The following USP54 variants were observed in gnomAD, a reference collection of about 807,000 sequenced individuals.
The protein encoded by USP54 is ubiquitin carboxyl-terminal hydrolase 54.
USP54 carries 87 observed loss-of-function variants against 170.5 expected under a neutral mutation model. The observed-to-expected ratio is 0.51, with a 90% CI of 0.43 to 0.61. The LOEUF is 0.61. Ranked by LOEUF, USP54 falls within the 20% of genes least tolerant of loss-of-function variation. USP54 has a pLI of 0.00. For synonymous variants in USP54, 655 were observed against 742.8 expected (o/e 0.88, Z 1.92); for missense variants, 1,786 against 2,047.8 (o/e 0.87, Z 2.47).
intron 20 of USP54, among the ~76,000 whole-genome samples, chr10:73,509,526 A>C (rs1384138113): frequency 6.6e-6 from 1 of 150,886 alleles, no homozygotes; most frequent in African/African-American, 2.4e-5. Flanking sequence ...GAGGCAGGAG[A>C]ATCGCATTAA....
Position 73,577,122 on chromosome 10 carries a change from A to G in USP54, c.-581-761T>C, listed in dbSNP as rs947766816. The stretch of plus-strand genomic sequence containing the variant: ...ATGTTCCCTGGAAGGAAATCACCAC[A>G]TCTCCAGCTTTAAGTTTTCCTATAA... On this transcript the variant is annotated intron_variant, in intron 1 of 23. Transcript: ENST00000687698. Among the ~76,000 whole-genome samples, 11 of 152,328 alleles carry G rather than the reference A, an allele frequency of 7.2e-5. No individual in the cohort carries two copies. In the East Asian group the frequency reaches 2.1e-3, roughly 29 times the overall value.
chr10:73,532,454 C>T (rs562527848), intron 12 of USP54, among the ~76,000 whole-genome samples: 5 of 152,226 alleles, frequency 3.3e-5, no homozygotes, highest in African/African-American at 1.2e-4. Flanking sequence ...GGATTACAGG[C>T]GTGAGCCACT....
chr10:73,621,288 T>C (rs1283766650), intron 1 of USP54, among the ~76,000 whole-genome samples: 2 of 148,916 alleles, frequency 1.3e-5, no homozygotes, highest in Non-Finnish European at 3.0e-5. Flanking sequence ...CATACATACA[T>C]TTTTCTCAAT....
rs569898692 is a variant in USP54 at position 73,550,199 on chromosome 10, C to T, written c.241-4527G>A. 3.3e-5 allele frequency among the ~76,000 whole-genome samples: 5 copies of T among 152,358 alleles called. No individual in the cohort carries two copies. In the South Asian group the frequency reaches 8.3e-4, roughly 25 times the overall value. The stretch of plus-strand genomic sequence containing the variant: ...TCAGCCTCCCAAAGTGCTGGGATAA[C>T]AGGCGTGGGCCACCACGCCCAGCCA... On this transcript the variant is annotated intron_variant, in intron 4 of 23. Coordinates refer to ENST00000687698, the MANE Select transcript of USP54 (RefSeq NM_001391956.1).
intron 1 of USP54, among the ~76,000 whole-genome samples, chr10:73,599,854 C>T (rs1011030951): frequency 6.6e-5 from 10 of 150,916 alleles, no homozygotes; most frequent in Admixed American, 6.6e-4. Context: ...AATTATTTGC[C>T]CAAGGTAAAG....
chr10:73,573,274 G>A (rs2075542541), intron 3 of USP54, among the ~76,000 whole-genome samples: 1 of 152,074 alleles, frequency 6.6e-6, no homozygotes, highest in Admixed American at 6.6e-5. Context: ...CTTGGCAACA[G>A]AGTGAGACCT....
intron 4 of USP54, 50 bp downstream of exon 4, chr10:73,571,371 C>T (rs1230635662): frequency 1.3e-6 from 2 of 1,503,526 alleles, no homozygotes; most frequent in South Asian, 2.3e-5. Flanking sequence ...TTGATATTGA[C>T]CATTTGGCCA....
At chr10:73,557,082 C>T (rs971148520) in intron 4 of USP54, among the ~76,000 whole-genome samples, 2 of 152,128 alleles carry the variant, frequency 1.3e-5, no homozygotes, top group Non-Finnish European at 2.9e-5. Context: ...ATCTTTGTGG[C>T]ACACTAAATA....
intron 1 of USP54, chr10:73,624,393 G>GTT (rs966064623): frequency 7.1e-6 from 1 of 140,696 alleles, no homozygotes; most frequent in African/African-American, 2.6e-5. Context: ...AGAGACGGGG[G>GTT]GGGGGGGTTT....
In USP54 at chr10:73,536,364, G is replaced by A. The variant is rs748066460; in HGVS notation, c.1049C>T (p.Ala350Val). 5.6e-6 allele frequency: 9 copies of A among 1,611,866 alleles called. No homozygotes were observed. The highest frequency in any genetic ancestry group is 7.6e-6 in the Non-Finnish European group (9 of 1,178,908). Residue 350 changes from alanine (A) to valine (V), a missense_variant, in exon 11 of 24, where the codon GCA becomes GTA. Coordinates refer to ENST00000687698, the MANE Select transcript of USP54 (RefSeq NM_001391956.1). ...GGAAACTGGGGTACCCTGGGGATCTGCATAAAGCAGCAGCAGGGGCTGATA... is the reference window on the plus strand; with the variant it reads ...GGAAACTGGGGTACCCTGGGGATCTACATAAAGCAGCAGCAGGGGCTGATA... Reference protein sequence around the residue: ...GHYQPLLLLYADPQGTPVSTQ... With the variant: ...GHYQPLLLLYVDPQGTPVSTQ...
chr10:73,587,269 C>T (rs1168567476), intron 1 of USP54, among the ~76,000 whole-genome samples: 2 of 151,804 alleles, frequency 1.3e-5, no homozygotes, highest in Non-Finnish European at 2.9e-5. Context: ...GTCAGGAGAT[C>T]GAGACCATCC....
upstream of USP54, among the ~76,000 whole-genome samples, chr10:73,595,848 G>A (rs551831412): frequency 1.3e-5 from 2 of 152,052 alleles, no homozygotes; most frequent in African/African-American, 2.4e-5. Context: ...GGTGGCTCAC[G>A]CCTGTAATCC....
intron 4 of USP54, among the ~76,000 whole-genome samples, chr10:73,552,471 A>ACACG (rs2069694380): frequency 6.6e-6 from 1 of 151,686 alleles, no homozygotes; most frequent in Non-Finnish European, 1.5e-5. Flanking sequence ...ATGAGTACAC[A>ACACG]CACACACACA....
intron 4 of USP54, 83 bp from the exon 5 acceptor site, chr10:73,545,755 T>A: frequency 1.3e-6 from 2 of 1,481,506 alleles, no homozygotes; most frequent in Non-Finnish European, 1.8e-6. Flanking sequence ...TGCTAGCATC[T>A]CCATGATGAT....
At chr10:73,555,144 C>A (rs1239306482) in intron 4 of USP54, among the ~76,000 whole-genome samples, 1 of 152,168 alleles carries the variant, frequency 6.6e-6, no homozygotes, top group African/African-American at 2.4e-5. Flanking sequence ...ATCACACACA[C>A]CCCAAAAGTT....
chr10:73,511,597 T>A (rs1489537548), intron 20 of USP54, among the ~76,000 whole-genome samples: 1 of 150,240 alleles, frequency 6.7e-6, no homozygotes, highest in Non-Finnish European at 1.5e-5. Flanking sequence ...GAGACGGAGG[T>A]TGCAGTGAGC....
chr10:73,541,967 AG>A, intron 7 of USP54: 1 of 530,376 alleles, frequency 1.9e-6, no homozygotes, highest in Non-Finnish European at 3.4e-6. Flanking sequence ...GCCAGTACTG[AG>A]CCTAAGAAAA....
chr10:73,503,858 G>A (rs888723881), intron 22 of USP54, among the ~76,000 whole-genome samples: 7 of 151,922 alleles, frequency 4.6e-5, no homozygotes, highest in Non-Finnish European at 1.0e-4. Context: ...TCAGCCTCCC[G>A]AGTAGCTAGG....
At chr10:73,578,942 C>CTTT in intron 1 of USP54, among the ~76,000 whole-genome samples, 1 of 133,994 alleles carries the variant, frequency 7.5e-6, no homozygotes, top group Non-Finnish European at 1.6e-5. Flanking sequence ...GCAAAGATTC[C>CTTT]TTTTTTTTTT....
Sources: allele counts gnomAD v4.1 joint callset (sites outside exome capture counted in the v4.1 genomes callset), GRCh38; gene constraint gnomAD v4.1.1; transcripts MANE v1.5; gene names NCBI Gene and HGNC (gene_info 2026-07-23, HGNC 2026-07-21).